SPART: variants seen among roughly 807,000 people sequenced by gnomAD.
SPART encodes spartin, also known as spastic paraplegia 20 (Troyer syndrome).
SPART carries 35 observed loss-of-function variants against 58.7 expected under a neutral mutation model. The observed-to-expected ratio is 0.60, with a 90% confidence interval of 0.46 to 0.79. The LOEUF (loss-of-function observed/expected upper bound fraction) is 0.79. SPART is among the 30% of genes least tolerant of loss of function. The probability of loss-of-function intolerance (pLI) is 0.00; values close to 1 mark genes in which losing one functional copy is unlikely to be tolerated. For synonymous variants in SPART, 284 were observed against 280.7 expected, an observed-to-expected ratio of 1.01 and a Z score of -0.12; for missense variants, 730 against 786.1, an observed-to-expected ratio of 0.93 and a Z score of 0.85.
At chr13:36,337,303 G>GT (rs1884107827) in intron 1 of SPART, among the ~76,000 whole-genome samples, 1 of 152,172 alleles carries the variant, frequency 6.6e-6, no homozygotes, top group Admixed American at 6.5e-5. Flanking sequence ...CATCCATGCT[G>GT]TCTATGCTCC....
chr13:36,325,084 A>G (rs1279693497), intron 5 of SPART, among the ~76,000 whole-genome samples: 6 of 152,166 alleles, frequency 3.9e-5, no homozygotes, highest in Admixed American at 3.9e-4. Context: ...CATATACGTC[A>G]AGTCACCGCG....
chr13:36,341,042 A>G (rs1379056968), intron 1 of SPART, among the ~76,000 whole-genome samples: 2 of 152,222 alleles, frequency 1.3e-5, no homozygotes, highest in Non-Finnish European at 2.9e-5. Context: ...ATAAAACTTC[A>G]TCTTTCTCAC....
Position 36,335,122 on chromosome 13 carries a change from C to T in SPART, c.709G>A (p.Gly237Arg). Residue 237 changes from glycine to arginine, a missense_variant, in exon 2 of 9, where the codon GGG becomes AGG. Transcript: ENST00000438666. ...GGATACGAAGGTGCACTAACCTCCCCTGCAGGATTTACAAAAAAAATCTGT... is the reference window on the plus strand; with the variant it reads ...GGATACGAAGGTGCACTAACCTCCCTTGCAGGATTTACAAAAAAAATCTGT... ...GVQIFFVNPA[G>R]EVSAPSYPGY... 6.2e-7 allele frequency: 1 copy of T among 1,614,154 alleles called. No homozygotes were observed. The highest frequency in any genetic ancestry group is 8.5e-7 in the Non-Finnish European group (1 of 1,180,018).
At chr13:36,322,579 G>T (rs1882520758) in intron 5 of SPART, among the ~76,000 whole-genome samples, 1 of 152,138 alleles carries the variant, frequency 6.6e-6, no homozygotes, top group Non-Finnish European at 1.5e-5. Flanking sequence ...TTTTTATCAT[G>T]AGAAATATGA....
intron 1 of SPART, 122 bp downstream of exon 1, chr13:36,346,103 C>A (rs1274502696): frequency 6.6e-6 from 1 of 152,208 alleles, no homozygotes; most frequent in Non-Finnish European, 1.5e-5. Flanking sequence ...GAGGTCCCCA[C>A]CCCCTCCACC....
rs540805270 is a variant in SPART, at chr13:36,362,365, A to AC, written c.-3+7723_-3+7724insG. 1.8e-3 allele frequency among the ~76,000 whole-genome samples: 273 copies of AC among 151,744 alleles called. 12 individuals are homozygous for AC. In the East Asian group the frequency reaches 0.045, roughly 25 times the overall value. ...AGACTTCCATCTCAAAAAAAAAAAAAAATACCCATGTTATGGAAGAAGAAA... is the reference window on the plus strand; with the variant it reads ...AGACTTCCATCTCAAAAAAAAAAAAACAATACCCATGTTATGGAAGAAGAAA... On this transcript the variant is annotated intron_variant, in intron 1 of 8. Transcript: ENST00000355182.
At position 36,358,961 on chromosome 13, in the gene SPART, T is replaced by TC. The variant is rs575370845; in HGVS notation, c.-3+11127dup. ...TTGTTTTGGGGGGCCAAGTGGAAGGTCTTCTGCTGACTGTTTTTTATTCAT... is the reference window on the plus strand; with the variant it reads ...TTGTTTTGGGGGGCCAAGTGGAAGGTCCTTCTGCTGACTGTTTTTTATTCAT... On this transcript the variant is annotated intron_variant, in intron 1 of 8. Coordinates refer to the SPART transcript ENST00000355182. Among the ~76,000 whole-genome samples the TC allele has an allele frequency of 3.1e-4, 47 of 152,236 alleles. No homozygotes were observed. The East Asian group carries it at 8.7e-3, about 28-fold the overall frequency.
At chr13:36,325,505 T>A (rs1882844543) in intron 5 of SPART, among the ~76,000 whole-genome samples, 1 of 152,164 alleles carries the variant, frequency 6.6e-6, no homozygotes, top group Admixed American at 6.5e-5. Flanking sequence ...GACATGGAAA[T>A]CTGAATTGAC....
chr13:36,349,192 G>T (rs1566145421), upstream of SPART, among the ~76,000 whole-genome samples: 2 of 152,344 alleles, frequency 1.3e-5, no homozygotes, highest in Non-Finnish European at 2.9e-5. Flanking sequence ...GAACCCGGGA[G>T]GTGGAGGTCA....
At chr13:36,341,177 G>C (rs1884544696) in intron 1 of SPART, among the ~76,000 whole-genome samples, 1 of 152,132 alleles carries the variant, frequency 6.6e-6, no homozygotes, top group Non-Finnish European at 1.5e-5. Flanking sequence ...GGAGGAAGGG[G>C]TAAGATTTTT....
At chr13:36,345,962 C>G (rs1460663094) in intron 1 of SPART, among the ~76,000 whole-genome samples, 1 of 152,200 alleles carries the variant, frequency 6.6e-6, no homozygotes, top group Non-Finnish European at 1.5e-5. Context: ...TCCTAACAGT[C>G]CATGGGTTAA....
At chr13:36,363,652 A>G (rs958809170) in intron 1 of SPART, among the ~76,000 whole-genome samples, 3 of 152,188 alleles carry the variant, frequency 2.0e-5, no homozygotes, top group African/African-American at 7.2e-5. Flanking sequence ...GCCATGAAAT[A>G]ATGTCAGCAC....
intron 1 of SPART, among the ~76,000 whole-genome samples, chr13:36,345,363 T>C (rs1451725516): frequency 6.6e-6 from 1 of 152,196 alleles, no homozygotes; most frequent in Non-Finnish European, 1.5e-5. Flanking sequence ...GAACTGCGAA[T>C]CAGAAAATAA....
In SPART at chr13:36,335,075, C is replaced by T. The variant is rs938859749; in HGVS notation, c.756G>A (p.Arg252=). ...PSYPGYLRIV[R]FLDNSLDTVL... is the part of the protein sequence containing the mutation. ...CCGTATCGAGAGAATTATCCAAAAA[C>T]CTCACAATTCGAAGGTACCCAGGAT... Residue 252 remains arginine, a synonymous_variant, in exon 2 of 9, where the codon AGG becomes AGA. Coordinates refer to ENST00000438666, the MANE Select transcript of SPART (RefSeq NM_015087.5). 1.5e-5 allele frequency: 24 copies of T among 1,613,986 alleles called. No individual in the cohort carries two copies. Among genetic ancestry groups the T allele is most frequent in the Non-Finnish European group, 2.0e-5 (24 of 1,180,012 alleles).
At chr13:36,352,110 C>G (rs570867835) in intron 1 of SPART, among the ~76,000 whole-genome samples, 14 of 152,254 alleles carry the variant, frequency 9.2e-5, no homozygotes, top group African/African-American at 3.1e-4. Context: ...TAATAATGTT[C>G]TAAAAGTTGT....
chr13:36,310,255 T>C (rs549238316), intron 8 of SPART, among the ~76,000 whole-genome samples: 3 of 152,130 alleles, frequency 2.0e-5, no homozygotes, highest in East Asian at 3.9e-4. Flanking sequence ...TAACCACGAG[T>C]TGTGAATACT....
intron 6 of SPART, 151 bp from the exon 7 acceptor site, chr13:36,312,628 A>T: frequency 1.1e-6 from 1 of 882,234 alleles, no homozygotes; most frequent in Non-Finnish European, 1.7e-6. Flanking sequence ...CTTAGAGAGG[A>T]GGTCTCACTA....
At chr13:36,324,555 T>A (rs769004159) in intron 5 of SPART, among the ~76,000 whole-genome samples, 8 of 152,236 alleles carry the variant, frequency 5.3e-5, no homozygotes, top group Non-Finnish European at 8.8e-5. Context: ...CCACTCCTGC[T>A]GTGACCTTTC....
chr13:36,302,123 TAAGAA>T lies in SPART; in HGVS notation c.*2237_*2241del, dbSNP rs1880044497. ...ATAAAAAATGACATGGGGAAAGAGG[TAAGAA>T]AATAGGAAGAACATACATATAGGTA... On this transcript the variant is annotated 3_prime_UTR_variant, in exon 9 of 9. Coordinates refer to ENST00000438666, the MANE Select transcript of SPART (RefSeq NM_015087.5). 1 of 151,998 alleles carries T rather than the reference TAAGAA, an allele frequency of 6.6e-6. No individual in the cohort carries two copies. The highest frequency in any genetic ancestry group is 2.4e-5 in the African/African-American group (1 of 41,404). The allele number at this position is 151,998 out of a possible 1,614,324, so 9.4% of individuals were successfully genotyped here.
Sources: allele counts gnomAD v4.1 joint callset (sites outside exome capture counted in the v4.1 genomes callset), GRCh38; gene constraint gnomAD v4.1.1; transcripts MANE v1.5; gene names NCBI Gene and HGNC (gene_info 2026-07-23, HGNC 2026-07-21).